Variants in NEGR1 observed in about 807,000 individuals in gnomAD.
The protein encoded by NEGR1 is IgLON family member 4.
NEGR1 carries 10 observed loss-of-function variants against 40.9 expected under a neutral mutation model. The ratio of observed to expected loss-of-function variants is 0.24; its 90% CI spans 0.15 to 0.42. NEGR1 has a LOEUF of 0.42. NEGR1 is among the 10% of genes least tolerant of loss of function. The probability of loss-of-function intolerance (pLI) is 1.00; values close to 1 mark genes in which losing one functional copy is unlikely to be tolerated. For synonymous variants in NEGR1, 185 were observed against 166.8 expected, an observed-to-expected ratio of 1.11 and a Z score of -0.84; for missense variants, 352 against 438.9, an observed-to-expected ratio of 0.80 and a Z score of 1.77.
intron 1 of NEGR1, among the ~76,000 whole-genome samples, chr1:72,185,607 A>G (rs1200444656): frequency 6.6e-6 from 1 of 151,930 alleles, no homozygotes; most frequent in African/African-American, 2.4e-5. Context: ...AGGGTTTTCT[A>G]CCATTAAAAT....
chr1:72,140,714 A>T (rs1650643205), intron 1 of NEGR1, among the ~76,000 whole-genome samples: 1 of 152,062 alleles, frequency 6.6e-6, no homozygotes, highest in Admixed American at 6.6e-5. Context: ...GTAAACTAAA[A>T]TATATTTTGT....
At chr1:71,721,274 C>T (rs1471884935) in intron 3 of NEGR1, among the ~76,000 whole-genome samples, 1 of 152,090 alleles carries the variant, frequency 6.6e-6, no homozygotes, top group African/African-American at 2.4e-5. Context: ...CTGGGGAAAA[C>T]ATGCCTTCAG....
At chr1:71,459,444 T>G (rs1646698789) in intron 6 of NEGR1, among the ~76,000 whole-genome samples, 1 of 152,238 alleles carries the variant, frequency 6.6e-6, no homozygotes, top group South Asian at 2.1e-4. Context: ...TAATAGACTT[T>G]GAAGACTTTC....
intron 3 of NEGR1, among the ~76,000 whole-genome samples, chr1:71,757,681 T>C (rs948332421): frequency 6.6e-6 from 1 of 152,106 alleles, no homozygotes; most frequent in Non-Finnish European, 1.5e-5. Context: ...CCAGAGTTTA[T>C]GAAATCTGAA....
At chr1:71,499,613 A>G (rs1569951924) in intron 6 of NEGR1, among the ~76,000 whole-genome samples, 2 of 151,594 alleles carry the variant, frequency 1.3e-5, no homozygotes, top group Admixed American at 1.3e-4. Context: ...ACGATTGCTT[A>G]TAATCCCATG....
chr1:72,240,280 GA>G (rs1336749334), intron 1 of NEGR1, among the ~76,000 whole-genome samples: 1 of 151,818 alleles, frequency 6.6e-6, no homozygotes, highest in African/African-American at 2.4e-5. Context: ...AATTTGCAAT[GA>G]AAAGAAAGTA....
At chr1:72,006,852 C>A (rs932124909) in intron 1 of NEGR1, among the ~76,000 whole-genome samples, 5 of 152,096 alleles carry the variant, frequency 3.3e-5, no homozygotes, top group African/African-American at 9.7e-5. Context: ...CTCTGCAGCA[C>A]CCTTACCTTT....
chr1:71,555,450 T>C (rs145183498), intron 6 of NEGR1, among the ~76,000 whole-genome samples: 1,861 of 151,656 alleles, frequency 0.012, 24 homozygotes, highest in South Asian at 0.027. Context: ...TACCTGAAAA[T>C]AGACATTTTT....
intron 1 of NEGR1, among the ~76,000 whole-genome samples, chr1:72,181,836 AT>A (rs1279718204): frequency 3.9e-5 from 6 of 152,168 alleles, no homozygotes; most frequent in Admixed American, 1.3e-4. Context: ...GTCTTAAAAA[AT>A]TCAAATATAC....
intron 1 of NEGR1, among the ~76,000 whole-genome samples, chr1:71,993,364 G>C (rs1646472605): frequency 6.6e-6 from 1 of 152,164 alleles, no homozygotes. Flanking sequence ...ACTTTTAGCT[G>C]GAGTTAGCCA....
chr1:72,212,313 C>A (rs533430109), intron 1 of NEGR1, among the ~76,000 whole-genome samples: 2 of 151,984 alleles, frequency 1.3e-5, no homozygotes, highest in South Asian at 4.1e-4. Context: ...TCATGTTATG[C>A]TTTGTAATCA....
At chr1:71,587,905 T>C (rs1649361837) in intron 6 of NEGR1, among the ~76,000 whole-genome samples, 1 of 152,046 alleles carries the variant, frequency 6.6e-6, no homozygotes, top group African/African-American at 2.4e-5. Context: ...CAGGAGAGGG[T>C]TGTATTAAAC....
At chr1:71,854,364 T>C (rs1277202247) in intron 2 of NEGR1, among the ~76,000 whole-genome samples, 1 of 152,094 alleles carries the variant, frequency 6.6e-6, no homozygotes, top group Non-Finnish European at 1.5e-5. Flanking sequence ...GCCTAAAATA[T>C]AGTAGGTCCT....
chr1:71,565,685 C>T (rs1648596654), intron 6 of NEGR1, among the ~76,000 whole-genome samples: 1 of 151,886 alleles, frequency 6.6e-6, no homozygotes. Flanking sequence ...AGAAAAGGCA[C>T]ATGAAATAAA....
chr1:71,436,719 C>G (rs763875211), intron 6 of NEGR1, among the ~76,000 whole-genome samples: 37 of 152,116 alleles, frequency 2.4e-4, no homozygotes, highest in Non-Finnish European at 5.4e-4. Context: ...ATTTTCCCCT[C>G]CTAAGCCTAT....
intron 3 of NEGR1, among the ~76,000 whole-genome samples, chr1:71,753,602 T>G (rs1207510771): frequency 1.3e-5 from 2 of 152,182 alleles, no homozygotes; most frequent in Non-Finnish European, 2.9e-5. Context: ...ACCAAGACTG[T>G]CTTCTGCCTG....
intron 2 of NEGR1, among the ~76,000 whole-genome samples, chr1:71,920,635 T>A (rs1417561836): frequency 1.3e-5 from 2 of 152,210 alleles, no homozygotes; most frequent in African/African-American, 4.8e-5. Context: ...ATCTTTCTTT[T>A]CCAACACTTA....
At position 71,431,580 on chromosome 1, in the gene NEGR1, A is replaced by ATTCG. The variant is rs1399034521; in HGVS notation, c.941-24011_941-24010insCGAA. Among the ~76,000 whole-genome samples, 4 of 152,094 alleles carry ATTCG rather than the reference A, an allele frequency of 2.6e-5. 1 individual carries two copies. In the East Asian group the frequency reaches 7.7e-4, roughly 29 times the overall value. Reference sequence around the variant, plus strand: ...CATCTGTTTATCCATTCATTCATTCATTCATTCATTCAACAGATGTTTATT... The same window carrying ATTCG: ...CATCTGTTTATCCATTCATTCATTCATTCGTTCATTCATTCAACAGATGTTTATT... On this transcript the variant is annotated intron_variant, in intron 6 of 6. Coordinates refer to ENST00000357731, the MANE Select transcript of NEGR1 (RefSeq NM_173808.3).
At chr1:71,779,598 C>T (rs916617201) in intron 2 of NEGR1, among the ~76,000 whole-genome samples, 11 of 151,616 alleles carry the variant, frequency 7.3e-5, no homozygotes, top group African/African-American at 2.2e-4. Context: ...CAGAGTCTCT[C>T]GCTCTGTCTC....
Sources: allele counts gnomAD v4.1 joint callset (sites outside exome capture counted in the v4.1 genomes callset), GRCh38; gene constraint gnomAD v4.1.1; transcripts MANE v1.5; gene names NCBI Gene and HGNC (gene_info 2026-07-23, HGNC 2026-07-21).